Variants in GRK2 observed in about 807,000 individuals in gnomAD.
GRK2 encodes the protein adrenergic beta receptor kinase 1.
In GRK2, 23 loss-of-function variants were observed where a neutral mutation model predicts 97.8. The observed-to-expected ratio is 0.24, with a 90% CI of 0.17 to 0.33. The LOEUF is 0.33. Among genes scored for constraint, GRK2 ranks in the 10% least tolerant of loss-of-function variants. The pLI, the probability that GRK2 is intolerant of heterozygous loss-of-function variation, is 1.00. For synonymous variants in GRK2, 425 were observed against 381.7 expected, an observed-to-expected ratio of 1.11 and a Z score of -1.32; for missense variants, 633 against 956.9, an observed-to-expected ratio of 0.66 and a Z score of 4.47.
rs1859806681 is a variant in GRK2, at chr11:67,266,668, C to A, written c.-32C>A. 2.9e-6 allele frequency: 3 copies of A among 1,040,332 alleles called. No individual in the cohort carries two copies. Among genetic ancestry groups the A allele is most frequent in the Non-Finnish European group, 3.5e-6 (3 of 845,572 alleles). 64.4% of individuals were successfully genotyped at this position (1,040,332 alleles called of 1,614,324 possible). ...CGAGCAGGAGCGGCGGCGGCGGCGG[C>A]GGCGGCGGGAGGAGGCAGCGCCGCC... On this transcript the variant is annotated 5_prime_UTR_variant, in exon 1 of 21. Coordinates refer to ENST00000308595, the MANE Select transcript of GRK2 (RefSeq NM_001619.5).
chr11:67,279,138 C>A (rs1860092302), intron 2 of GRK2, 62 bp from the exon 3 acceptor site: 3 of 1,427,390 alleles, frequency 2.1e-6, no homozygotes, highest in South Asian at 2.3e-5. Context: ...CCACACCATC[C>A]ACAATGATGG....
At position 67,266,802 on chromosome 11, in the gene GRK2, C is replaced by T. The variant is rs1285119222; in HGVS notation, c.103C>T (p.Pro35Ser). The T allele has an allele frequency of 7.6e-7, 1 of 1,313,378 alleles. No individual in the cohort carries two copies. 81.4% of individuals were successfully genotyped at this position (1,313,378 alleles called of 1,614,324 possible). The change falls in exon 1 of 21, where the codon CCC becomes TCC. Residue 35 changes from proline to serine, a missense_variant. Physicochemically the swap from Pro to Ser is moderately conservative, Grantham distance 74 (BLOSUM62 -1). Coordinates refer to ENST00000308595, the MANE Select transcript of GRK2 (RefSeq NM_001619.5). Reference sequence around the variant, plus strand: ...GCGCGCCAGCAAGAAGATCCTGCTGCCCGAGCCCAGGTGAGGAGAAGCTGC... The same window carrying T: ...GCGCGCCAGCAAGAAGATCCTGCTGTCCGAGCCCAGGTGAGGAGAAGCTGC... ...AARASKKILLPEPSIRSVMQK... is the reference protein window; with the variant it reads ...AARASKKILLSEPSIRSVMQK...
chr11:67,269,990 T>C lies in GRK2; in HGVS notation c.113+3178T>C, dbSNP rs552929014. Among the ~76,000 whole-genome samples, 2 of 152,304 alleles carry C rather than the reference T, an allele frequency of 1.3e-5. No individual in the cohort carries two copies. Among genetic ancestry groups the C allele is most frequent in the African/African-American group, 4.8e-5 (2 of 41,574 alleles). ...TAGAAGGAGGTAGCGTAAGGCAGCA[T>C]TGTGTATCTGGAAGATGGGAGGTCT... is the stretch of plus-strand genomic sequence containing the variant. On this transcript the variant is annotated intron_variant, in intron 1 of 20. Transcript: ENST00000308595. The surrounding 1 kb of genome is among the most constrained non-coding windows in gnomAD (Gnocchi z 4.1).
Position 67,282,730 on chromosome 11 carries a change from GT to G in GRK2, c.1161-17del. The G allele has an allele frequency of 1.9e-6, 3 of 1,610,784 alleles. No homozygotes were observed. The highest frequency in any genetic ancestry group is 2.5e-6 in the Non-Finnish European group (3 of 1,179,226). ...TCCCCATTCCTGTCCTTTGACATTGGTTTTTGGCCTTTCTTGCCCAGGCACA... is the reference window on the plus strand; with the variant it reads ...TCCCCATTCCTGTCCTTTGACATTGGTTTTGGCCTTTCTTGCCCAGGCACA... On this transcript the variant is annotated intron_variant, in intron 13 of 20. Transcript: ENST00000308595. This position sits in a 1 kb window ranked among gnomAD's most constrained non-coding sequence, Gnocchi z 6.9.
intron 1 of GRK2, among the ~76,000 whole-genome samples, chr11:67,271,222 T>A (rs1859900689): frequency 6.6e-6 from 1 of 152,224 alleles, no homozygotes; most frequent in African/African-American, 2.4e-5. Flanking sequence ...CAGTTTCCAC[T>A]GCTGGATGGA....
chr11:67,277,266 C>T lies in GRK2; in HGVS notation c.114-6C>T. 6.2e-7 allele frequency: 1 copy of T among 1,613,472 alleles called. No homozygotes were observed. The highest frequency in any genetic ancestry group is 8.5e-7 in the Non-Finnish European group (1 of 1,179,906). On this transcript the variant is annotated splice_region_variant and splice_polypyrimidine_tract_variant and intron_variant, in intron 1 of 20. Coordinates refer to ENST00000308595, the MANE Select transcript of GRK2 (RefSeq NM_001619.5). ...CTTCTGCTTACTGCGCCCCCCTGAC[C>T]CACAGCATCCGCAGTGTCATGCAGA... is the stretch of plus-strand genomic sequence containing the variant.
intron 1 of GRK2, among the ~76,000 whole-genome samples, 180 bp downstream of exon 1, chr11:67,266,992 GC>G (rs1457162017): frequency 6.6e-6 from 1 of 151,808 alleles, no homozygotes; most frequent in African/African-American, 2.4e-5. Flanking sequence ...CAGACCCTAA[GC>G]CCCAGACCCT....
chr11:67,280,133 T>G, intron 6 of GRK2: 1 of 565,386 alleles, frequency 1.8e-6, no homozygotes. Context: ...GGCAGTCTCC[T>G]AGCTCCAGGG....
intron 1 of GRK2, 59 bp from the exon 2 acceptor site, chr11:67,277,213 G>C (rs1476688788): frequency 6.4e-7 from 1 of 1,569,704 alleles, no homozygotes; most frequent in Non-Finnish European, 8.7e-7. Flanking sequence ...CGCGTTTCTG[G>C]GCCTGCAGCC....
chr11:67,280,482 G>C, intron 6 of GRK2: 1 of 582,078 alleles, frequency 1.7e-6, no homozygotes, highest in South Asian at 2.0e-5. Flanking sequence ...TTTCTGTGCG[G>C]ATCTGATTCC....
chr11:67,272,494 G>T (rs1859931701), intron 1 of GRK2, among the ~76,000 whole-genome samples: 1 of 152,176 alleles, frequency 6.6e-6, no homozygotes, highest in Non-Finnish European at 1.5e-5. Context: ...ACAGAGGATG[G>T]CCTGGACTTT....
At chr11:67,283,058 T>A in intron 14 of GRK2, 70 bp from the exon 15 acceptor site, 1 of 1,494,492 alleles carries the variant, frequency 6.7e-7, no homozygotes, top group East Asian at 2.3e-5. Context: ...TGGACCCCTC[T>A]CTCCCCTGAG....
At chr11:67,279,107 G>T in intron 2 of GRK2, 93 bp from the exon 3 acceptor site, 1 of 1,113,836 alleles carries the variant, frequency 9.0e-7, no homozygotes, top group Non-Finnish European at 1.4e-6. Context: ...TCCATAGCCA[G>T]TTCTGCCCAG....
chr11:67,270,630 C>T (rs1859887066), intron 1 of GRK2, among the ~76,000 whole-genome samples: 1 of 152,222 alleles, frequency 6.6e-6, no homozygotes, highest in Non-Finnish European at 1.5e-5. Context: ...GAACTTTCCA[C>T]TTCAGTGGCA....
intron 18 of GRK2, 189 bp downstream of exon 18, chr11:67,284,562 A>G (rs1442336091): frequency 1.3e-6 from 1 of 740,858 alleles, no homozygotes; most frequent in Non-Finnish European, 2.1e-6. Flanking sequence ...AGGAGCGCAG[A>G]TCACTTGAGG....
In GRK2 at chr11:67,275,059, G is replaced by A. The variant is rs573769157; in HGVS notation, c.114-2213G>A. On this transcript the variant is annotated intron_variant, in intron 1 of 20. Coordinates refer to ENST00000308595, the MANE Select transcript of GRK2 (RefSeq NM_001619.5). ...CCTGCTTCCTGCTGGAGACAACTTTGGAAGAGGCCGCGGCCCCTCCCAGCC... is the reference window on the plus strand; with the variant it reads ...CCTGCTTCCTGCTGGAGACAACTTTAGAAGAGGCCGCGGCCCCTCCCAGCC... 2.0e-5 allele frequency among the ~76,000 whole-genome samples: 3 copies of A among 152,330 alleles called. No homozygotes were observed. The East Asian group carries it at 5.8e-4, about 29-fold the overall frequency.
In GRK2 at chr11:67,269,277, C is replaced by T. The variant is rs542951357; in HGVS notation, c.113+2465C>T. 1.6e-4 allele frequency among the ~76,000 whole-genome samples: 24 copies of T among 152,128 alleles called. No individual in the cohort carries two copies. The highest frequency in any genetic ancestry group is 5.9e-4 in the Admixed American group (9 of 15,284). On this transcript the variant is annotated intron_variant, in intron 1 of 20. Transcript: ENST00000308595. The surrounding 1 kb of genome is among the most constrained non-coding windows in gnomAD (Gnocchi z 4.1). ...AGAGTGCTTTTTACTCTGTTTTGTC[C>T]TTTTGACAACTGTGAGAGGCAGGCC...
chr11:67,281,902 C>T lies in GRK2; in HGVS notation c.907C>T (p.Leu303=), dbSNP rs748346973. Residue 303 remains leucine, a synonymous_variant, in exon 11 of 21, where the codon CTG becomes TTG. Coordinates refer to ENST00000308595, the MANE Select transcript of GRK2 (RefSeq NM_001619.5). This position sits in a 1 kb window ranked among gnomAD's most constrained non-coding sequence, Gnocchi z 5.7. ...DMRFYAAEII[L]GLEHMHNRFV... is the part of the protein sequence containing the mutation. ...GCGCTTCTATGCGGCCGAGATCATC[C>T]TGGGCCTGGAGCACATGCACAACCG... 1 of 1,613,646 alleles carries T rather than the reference C, an allele frequency of 6.2e-7. No homozygotes were observed. Among genetic ancestry groups the T allele is most frequent in the South Asian group, 1.1e-5 (1 of 91,082 alleles).
In GRK2 at chr11:67,269,933, C is replaced by T. The variant is rs889504612; in HGVS notation, c.113+3121C>T. 3.3e-5 allele frequency among the ~76,000 whole-genome samples: 5 copies of T among 152,196 alleles called. No individual in the cohort carries two copies. Among genetic ancestry groups the T allele is most frequent in the Admixed American group, 6.5e-5 (1 of 15,286 alleles). ...TCCCCTTCTGTCACCCTATAGAATCCAAGGAAACAGTCCCTTTCCCCGACC... is the reference window on the plus strand; with the variant it reads ...TCCCCTTCTGTCACCCTATAGAATCTAAGGAAACAGTCCCTTTCCCCGACC... On this transcript the variant is annotated intron_variant, in intron 1 of 20. Transcript: ENST00000308595. The surrounding 1 kb of genome is among the most constrained non-coding windows in gnomAD (Gnocchi z 4.1).
Sources: gnomAD v4.1 joint callset for allele counts (sites outside exome capture counted in the v4.1 genomes callset) on GRCh38, gnomAD v4.1.1 for gene constraint, Gnocchi (gnomAD v3.1) non-coding constraint, MANE v1.5 for transcripts, NCBI Gene and HGNC (gene_info 2026-07-23, HGNC 2026-07-21) for gene names.